Variants in CCZ1 observed in about 807,000 individuals in gnomAD.
CCZ1 encodes vacuolar fusion protein CCZ1 homolog.
Under a neutral mutation model 57.8 loss-of-function variants are expected in CCZ1, and 19 were observed. The observed-to-expected ratio is 0.33, with a 90% confidence interval of 0.23 to 0.48. CCZ1 has a LOEUF of 0.48. Among genes scored for constraint, CCZ1 ranks in the 20% least tolerant of loss-of-function variants. The pLI, the probability that CCZ1 is intolerant of heterozygous loss-of-function variation, is 0.99. For synonymous variants in CCZ1, 81 were observed against 167.0 expected, an observed-to-expected ratio of 0.49 and a Z score of 3.97; for missense variants, 200 against 492.0, an observed-to-expected ratio of 0.41 and a Z score of 5.61.
At chr7:5,903,902 G>A (rs2128610875) in intron 6 of CCZ1, among the ~76,000 whole-genome samples, 1 of 143,566 alleles carries the variant, frequency 7.0e-6, no homozygotes, top group African/African-American at 2.7e-5. Context: ...GGCTGAGGCA[G>A]GAGAATCGCT....
chr7:5,912,984 G>A (rs377250078), intron 10 of CCZ1, 30 bp downstream of exon 10: 1 of 1,608,286 alleles, frequency 6.2e-7, no homozygotes, highest in African/African-American at 1.4e-5. Flanking sequence ...CAGCGTTAAT[G>A]ATTGTGCTGA....
In CCZ1 at chr7:5,910,520, G is replaced by C. The variant is rs60274005; in HGVS notation, c.780+404G>C. On this transcript the variant is annotated intron_variant, in intron 8 of 14. Transcript: ENST00000325974. ...TTTTTTGTATTTTTAGTAGAGACAGGTTTCACTATGTTGGCCAGGCTGGTC... is the reference window on the plus strand; with the variant it reads ...TTTTTTGTATTTTTAGTAGAGACAGCTTTCACTATGTTGGCCAGGCTGGTC... Among the ~76,000 whole-genome samples the C allele has an allele frequency of 3.9e-3, 572 of 146,532 alleles. 8 individuals are homozygous for C. Among genetic ancestry groups the C allele is most frequent in the African/African-American group, 0.014 (549 of 39,930 alleles).
chr7:5,907,586 C>T (rs549139814), intron 7 of CCZ1, among the ~76,000 whole-genome samples: 1 of 145,972 alleles, frequency 6.9e-6, no homozygotes, highest in South Asian at 2.3e-4. Context: ...TCTGGGAGAC[C>T]CTGGAGCCAG....
At chr7:5,902,327 T>C (rs541637665) in intron 5 of CCZ1, 12 of 236,824 alleles carry the variant, frequency 5.1e-5, no homozygotes, top group Non-Finnish European at 7.9e-5. Flanking sequence ...ATAAAAAGTT[T>C]GGTGATTCCA....
intron 6 of CCZ1, among the ~76,000 whole-genome samples, chr7:5,903,794 C>T (rs1449571488): frequency 6.8e-6 from 1 of 147,140 alleles, no homozygotes; most frequent in South Asian, 2.2e-4. Context: ...GAGTTCGAGA[C>T]CAGCCTGGCC....
chr7:5,901,535 T>C, intron 4 of CCZ1, 122 bp from the exon 5 acceptor site: 10 of 1,420,532 alleles, frequency 7.0e-6, no homozygotes, highest in East Asian at 3.0e-5. Context: ...ACGCAACTAT[T>C]GTGGGACAAA....
At chr7:5,902,965 G>T (rs866430865) in intron 6 of CCZ1, among the ~76,000 whole-genome samples, 3 of 148,476 alleles carry the variant, frequency 2.0e-5, no homozygotes, top group Non-Finnish European at 4.4e-5. Context: ...AGCTTCCTGC[G>T]TTTGCCCGGG....
chr7:5,920,765 C>T (rs1389586285), intron 12 of CCZ1, among the ~76,000 whole-genome samples: 1 of 115,082 alleles, frequency 8.7e-6, no homozygotes, highest in Non-Finnish European at 1.9e-5. Context: ...AGCTACCGCA[C>T]CCGGCCATGC....
Position 5,902,774 on chromosome 7 carries a change from T to G in CCZ1, c.522+30T>G, listed in dbSNP as rs569621028. The stretch of plus-strand genomic sequence containing the variant: ...GTATTTTGAATTTCATTTATAACTT[T>G]AGTAAGCATTCAGCAGGTTTTTAGA... On this transcript the variant is annotated intron_variant, in intron 6 of 14. Coordinates refer to ENST00000325974, the MANE Select transcript of CCZ1 (RefSeq NM_015622.6). 3.3e-5 allele frequency: 52 copies of G among 1,585,014 alleles called. No homozygotes were observed. The African/African-American group carries it at 6.9e-4, about 21-fold the overall frequency.
In CCZ1 at chr7:5,922,993, A is replaced by G. The variant is rs532353998; in HGVS notation, c.1107-394A>G. Among the ~76,000 whole-genome samples the G allele has an allele frequency of 3.1e-3, 462 of 147,428 alleles. 21 individuals are homozygous for G. Among genetic ancestry groups the G allele is most frequent in the African/African-American group, 0.011 (435 of 38,332 alleles). ...ACAGACAACACATGAACATGTGGCA[A>G]TGGCGAGGTTCCCGTGAAACTTTGT... On this transcript the variant is annotated intron_variant, in intron 12 of 14. Coordinates refer to ENST00000325974, the MANE Select transcript of CCZ1 (RefSeq NM_015622.6).
chr7:5,901,418 A>C (rs1262822783), intron 4 of CCZ1: 9 of 507,696 alleles, frequency 1.8e-5, no homozygotes, highest in African/African-American at 4.2e-5. Flanking sequence ...CGGGGACGCA[A>C]ATGTTGCAGT....
rs563560065 is a variant in CCZ1, at chr7:5,910,917, G to C, written c.780+801G>C. ...TGCCCGGCTAATTTTTATATTTTTA[G>C]TAGAGACGGAGTTTCACCATGTTGG... On this transcript the variant is annotated intron_variant, in intron 8 of 14. Coordinates refer to ENST00000325974, the MANE Select transcript of CCZ1 (RefSeq NM_015622.6). 2.9e-4 allele frequency among the ~76,000 whole-genome samples: 42 copies of C among 146,360 alleles called. 1 individual carries two copies. Among genetic ancestry groups the C allele is most frequent in the Non-Finnish European group, 5.0e-4 (34 of 67,330 alleles).
intron 6 of CCZ1, among the ~76,000 whole-genome samples, chr7:5,904,240 C>T (rs1583182241): frequency 7.2e-6 from 1 of 139,438 alleles, no homozygotes; most frequent in Non-Finnish European, 1.5e-5. Context: ...TTACAGGCTA[C>T]CACGCCCGGC....
intron 6 of CCZ1, among the ~76,000 whole-genome samples, chr7:5,903,446 A>G (rs1781730200): frequency 1.4e-5 from 2 of 142,522 alleles, no homozygotes; most frequent in African/African-American, 5.3e-5. Flanking sequence ...ACAATTCTCA[A>G]TTTATTTTCT....
rs1390216227 is a variant in CCZ1 at position 5,905,736 on chromosome 7, G to C, written c.698+467G>C. Among the ~76,000 whole-genome samples, 37 of 117,146 alleles carry C rather than the reference G, an allele frequency of 3.2e-4. No homozygotes were observed. In the East Asian group the frequency reaches 0.012, roughly 38 times the overall value. The allele number at this position is 117,146 out of a possible 152,430, so 76.9% of individuals were successfully genotyped here. A position where few individuals can be genotyped will look rare whatever the true frequency, so the allele number is the denominator to read the frequency against. ...GGCGGAGGTTGCAGTGAGCCGAGAT[G>C]GCACCACTGTACCCCAGCCTGGCAA... On this transcript the variant is annotated intron_variant, in intron 7 of 14. Transcript: ENST00000325974.
intron 10 of CCZ1, among the ~76,000 whole-genome samples, chr7:5,915,493 T>C (rs1335790749): frequency 4.3e-5 from 6 of 137,990 alleles, no homozygotes; most frequent in Non-Finnish European, 8.0e-5. Flanking sequence ...TGGGGTGTGA[T>C]GATGGGATTG....
intron 5 of CCZ1, 66 bp from the exon 6 acceptor site, chr7:5,902,594 AC>A (rs1781709302): frequency 1.3e-6 from 2 of 1,507,652 alleles, no homozygotes. Flanking sequence ...GAAAAAAAGA[AC>A]TTGTTATACT....
intron 7 of CCZ1, among the ~76,000 whole-genome samples, chr7:5,908,380 ATT>A (rs5882075): frequency 3.7e-5 from 5 of 135,506 alleles, no homozygotes; most frequent in Admixed American, 7.2e-5. Flanking sequence ...TATTGCTTTG[ATT>A]TTTTTTTTTT....
intron 6 of CCZ1, among the ~76,000 whole-genome samples, chr7:5,903,601 C>T (rs1439042020): frequency 4.9e-5 from 6 of 122,858 alleles, no homozygotes; most frequent in African/African-American, 6.6e-5. Context: ...CATATTATCT[C>T]CTGGTTTCTG....
Sources: gnomAD v4.1 joint callset for allele counts (sites outside exome capture counted in the v4.1 genomes callset) on GRCh38, gnomAD v4.1.1 for gene constraint, MANE v1.5 for transcripts, NCBI Gene and HGNC (gene_info 2026-07-23, HGNC 2026-07-21) for gene names.